The following EML5 variants were observed in gnomAD, a reference collection of about 807,000 sequenced individuals.
EML5 encodes the protein EMAP like 5, also known as echinoderm microtubule-associated protein-like 5.
In EML5, 120 loss-of-function variants were observed where a neutral mutation model predicts 250.0. The observed-to-expected ratio is 0.48, with a 90% CI of 0.41 to 0.56. The LOEUF (loss-of-function observed/expected upper bound fraction) is 0.56, where lower values mean the gene tolerates loss of function less well. Ranked by LOEUF, EML5 falls within the 20% of genes least tolerant of loss-of-function variation. The probability of loss-of-function intolerance (pLI) is 0.00; values close to 1 mark genes in which losing one functional copy is unlikely to be tolerated. For missense variants in EML5, 2,006 were observed against 2,437.6 expected (o/e 0.82, Z 3.73); for synonymous variants, 771 against 806.5 (o/e 0.96, Z 0.75).
In EML5 at chr14:88,646,932, C is replaced by G. The variant is rs2140727324; in HGVS notation, c.4028+15G>C. On this transcript the variant is annotated intron_variant, in intron 29 of 43. Transcript: ENST00000554922. The stretch of plus-strand genomic sequence containing the variant: ...ACAAAGTTAGGCTTTGTAAACACAG[C>G]AAAGAGAGGATTACCTGGAACCTCT... The G allele has an allele frequency of 6.3e-7, 1 of 1,590,814 alleles. No homozygotes were observed. Among genetic ancestry groups the G allele is most frequent in the East Asian group, 2.3e-5 (1 of 44,444 alleles).
At chr14:88,681,624 C>T (rs1235146642) in intron 21 of EML5, among the ~76,000 whole-genome samples, 1 of 152,100 alleles carries the variant, frequency 6.6e-6, no homozygotes, top group Non-Finnish European at 1.5e-5. Context: ...GAGAGAAAAA[C>T]TTAGCTTCTG....
chr14:88,745,167 T>TTGTTTGTGTGTGTGTGTGTGTGTGTG (rs148282706), intron 3 of EML5, among the ~76,000 whole-genome samples: 2 of 145,284 alleles, frequency 1.4e-5, no homozygotes, highest in African/African-American at 5.1e-5. Context: ...AATTGTGTGT[T>TTGTTTGTGTGTGTGTGTGTGTGTGTG]TGTGTGTGTG....
chr14:88,742,265 A>T (rs1335735615), intron 4 of EML5, among the ~76,000 whole-genome samples: 1 of 152,172 alleles, frequency 6.6e-6, no homozygotes, highest in Non-Finnish European at 1.5e-5. Context: ...ACACACACAC[A>T]CACGCTTTCC....
At chr14:88,768,485 G>A (rs10135957) in intron 1 of EML5, among the ~76,000 whole-genome samples, 3,561 of 151,646 alleles carry the variant, frequency 0.023, 136 homozygotes, top group African/African-American at 0.083. Flanking sequence ...ATCTTGGCTC[G>A]CTGCAACTTC....
At chr14:88,681,776 T>A (rs2092718942) in intron 21 of EML5, 114 bp downstream of exon 21, 13 of 1,191,016 alleles carry the variant, frequency 1.1e-5, no homozygotes, top group Non-Finnish European at 1.5e-5. Context: ...ATTGAATAAA[T>A]ATTTCAACAT....
intron 17 of EML5, among the ~76,000 whole-genome samples, chr14:88,693,306 T>G (rs1253042173): frequency 1.3e-5 from 2 of 152,210 alleles, no homozygotes; most frequent in East Asian, 3.8e-4. Context: ...TTTAATTGAT[T>G]CACAGTTCCA....
At chr14:88,690,260 C>T (rs1036598344) in intron 17 of EML5, among the ~76,000 whole-genome samples, 1 of 152,162 alleles carries the variant, frequency 6.6e-6, no homozygotes, top group African/African-American at 2.4e-5. Flanking sequence ...AGATGCAAAA[C>T]ATTTGAATAG....
Position 88,634,500 on chromosome 14 carries a change from A to G in EML5, c.4337-11T>C. ...TGTCTGCTGAATCACCTATAATGGA[A>G]AATAATTATCTATAAATAACATAAA... On this transcript the variant is annotated splice_polypyrimidine_tract_variant and intron_variant, in intron 32 of 43. Coordinates refer to ENST00000554922, the MANE Select transcript of EML5 (RefSeq NM_183387.3). 7.0e-7 allele frequency: 1 copy of G among 1,424,750 alleles called. No individual in the cohort carries two copies. The highest frequency in any genetic ancestry group is 9.4e-7 in the Non-Finnish European group (1 of 1,065,020). The allele number at this position is 1,424,750 out of a possible 1,614,324, so 88.3% of individuals were successfully genotyped here.
intron 1 of EML5, among the ~76,000 whole-genome samples, chr14:88,784,943 A>C (rs754147931): frequency 6.6e-6 from 1 of 152,236 alleles, no homozygotes; most frequent in Non-Finnish European, 1.5e-5. Context: ...AAGCAACCTA[A>C]GAGTCTATCA....
chr14:88,773,318 T>C lies in EML5; in HGVS notation c.198-18647A>G, dbSNP rs186094460. Among the ~76,000 whole-genome samples, 208 of 152,370 alleles carry C rather than the reference T, an allele frequency of 1.4e-3. 1 individual carries two copies. Among genetic ancestry groups the C allele is most frequent in the African/African-American group, 4.7e-3 (196 of 41,582 alleles). On this transcript the variant is annotated intron_variant, in intron 1 of 43. Transcript: ENST00000554922. ...GTCTTTCGGTGTTTTCAGCTCATGATGACACTGAACAGATCCACCAATAGA... is the reference window on the plus strand; with the variant it reads ...GTCTTTCGGTGTTTTCAGCTCATGACGACACTGAACAGATCCACCAATAGA...
intron 7 of EML5, 68 bp from the exon 8 acceptor site, chr14:88,726,746 A>G: frequency 8.6e-7 from 1 of 1,161,366 alleles, no homozygotes; most frequent in Non-Finnish European, 1.2e-6. Flanking sequence ...TATTTTGGTT[A>G]AAATAATCTC....
At chr14:88,698,218 G>A (rs1049548076) in intron 14 of EML5, among the ~76,000 whole-genome samples, 1 of 146,698 alleles carries the variant, frequency 6.8e-6, no homozygotes, top group Non-Finnish European at 1.5e-5. Flanking sequence ...AGAATTTGAT[G>A]CTTTTGATGA....
At chr14:88,647,687 C>CAA (rs34191990) in intron 28 of EML5, among the ~76,000 whole-genome samples, 2,187 of 47,412 alleles carry the variant, frequency 0.046, 200 homozygotes, top group African/African-American at 0.063. Context: ...GAGACCGTCT[C>CAA]AAAAAAAAAA....
intron 1 of EML5, among the ~76,000 whole-genome samples, chr14:88,776,808 G>A (rs1183130268): frequency 6.6e-6 from 1 of 152,226 alleles, no homozygotes; most frequent in East Asian, 1.9e-4. Flanking sequence ...TTAAGTCTGG[G>A]AGTCAGAGGT....
At chr14:88,664,868 T>G (rs1232220902) in intron 22 of EML5, among the ~76,000 whole-genome samples, 1 of 152,362 alleles carries the variant, frequency 6.6e-6, no homozygotes, top group South Asian at 2.1e-4. Flanking sequence ...ATGTATGATG[T>G]AGTTTTGATA....
rs1258567399 is a variant in EML5 at position 88,615,819 on chromosome 14, CAGTG to C, written c.5929_5932del (p.His1977GlufsTer4). 2 of 1,611,344 alleles carry C rather than the reference CAGTG, an allele frequency of 1.2e-6. No individual in the cohort carries two copies. The highest frequency in any genetic ancestry group is 2.7e-5 in the African/African-American group (2 of 74,918). On this transcript the variant is annotated frameshift_variant and stop_lost, in exon 44 of 44. Transcript: ENST00000554922. LOFTEE classifies it high-confidence loss of function. ...TTTCTGTAGTCATCTCAGCATCTCTCAGTGAGGTGTATGTACACATTTCCAGACA... is the reference window on the plus strand; with the variant it reads ...TTTCTGTAGTCATCTCAGCATCTCTCAGGTGTATGTACACATTTCCAGACA...
At chr14:88,721,742 T>G (rs912974368) in intron 8 of EML5, among the ~76,000 whole-genome samples, 2 of 152,040 alleles carry the variant, frequency 1.3e-5, no homozygotes, top group Admixed American at 6.6e-5. Flanking sequence ...TAAAAGCAGC[T>G]GCAACAAAAC....
intron 2 of EML5, among the ~76,000 whole-genome samples, chr14:88,750,689 G>T (rs1005372190): frequency 6.6e-6 from 1 of 152,090 alleles, no homozygotes; most frequent in Non-Finnish European, 1.5e-5. Flanking sequence ...TTGGTAGAAT[G>T]AATAATTTAT....
intron 9 of EML5, among the ~76,000 whole-genome samples, chr14:88,714,391 G>C (rs1460726508): frequency 1.3e-5 from 2 of 152,164 alleles, no homozygotes; most frequent in East Asian, 1.9e-4. Context: ...AGAGGTAGAG[G>C]TTGGTGGGGG....
Sources: allele counts gnomAD v4.1 joint callset (sites outside exome capture counted in the v4.1 genomes callset), GRCh38; gene constraint gnomAD v4.1.1; transcripts MANE v1.5; gene names NCBI Gene and HGNC (gene_info 2026-07-23, HGNC 2026-07-21).